GLIS2: variants seen among roughly 807,000 people sequenced by gnomAD.
GLIS2 encodes the protein GLIS family zinc finger 2.
GLIS2 carries 14 observed loss-of-function variants against 35.6 expected under a neutral mutation model. The ratio of observed to expected loss-of-function variants is 0.39; its 90% confidence interval spans 0.26 to 0.61. GLIS2 has a LOEUF of 0.61. Among genes scored for constraint, GLIS2 ranks in the 20% least tolerant of loss-of-function variants. The pLI is 0.48. For synonymous variants in GLIS2, 368 were observed against 325.1 expected, an observed-to-expected ratio of 1.13 and a Z score of -1.42; for missense variants, 675 against 713.4, an observed-to-expected ratio of 0.95 and a Z score of 0.61.
At chr16:4,331,135 C>T (rs920608982) in intron 1 of GLIS2, among the ~76,000 whole-genome samples, 4 of 151,402 alleles carry the variant, frequency 2.6e-5, no homozygotes, top group Non-Finnish European at 5.9e-5. Flanking sequence ...CGCCACCACA[C>T]CTGGCTAATT....
rs1408568603 is a variant in GLIS2, at chr16:4,335,532, C to T, written c.775+139C>T. ...AGGGTTGATGTCATCGCCCAGGGGTCCCTTTTCCAATGCAGTTTGCTAGGG... is the reference window on the plus strand; with the variant it reads ...AGGGTTGATGTCATCGCCCAGGGGTTCCTTTTCCAATGCAGTTTGCTAGGG... On this transcript the variant is annotated intron_variant, in intron 6 of 6. Transcript: ENST00000433375. The surrounding 1 kb of genome is among the most constrained non-coding windows in gnomAD (Gnocchi z 4.6). 2.6e-6 allele frequency: 2 copies of T among 769,148 alleles called. No homozygotes were observed. Among genetic ancestry groups the T allele is most frequent in the Non-Finnish European group, 4.3e-6 (2 of 468,200 alleles). 47.6% of individuals were successfully genotyped at this position (769,148 alleles called of 1,614,324 possible). A position where few individuals can be genotyped will look rare whatever the true frequency, so the allele number is the denominator to read the frequency against.
chr16:4,326,931 T>A (rs2053437312), intron 1 of GLIS2, among the ~76,000 whole-genome samples: 1 of 151,996 alleles, frequency 6.6e-6, no homozygotes, highest in South Asian at 2.1e-4. Flanking sequence ...CGGCTAATTT[T>A]CGTATTTTTA....
intron 1 of GLIS2, among the ~76,000 whole-genome samples, chr16:4,324,327 C>T (rs2053408311): frequency 6.6e-6 from 1 of 152,214 alleles, no homozygotes; most frequent in Non-Finnish European, 1.5e-5. Context: ...CCCCTCCAGT[C>T]CTGGGAGGAG....
rs2053572695 is a variant in GLIS2, at chr16:4,337,694, C to G, written c.*170C>G. On this transcript the variant is annotated 3_prime_UTR_variant, in exon 7 of 7. Coordinates refer to ENST00000433375, the MANE Select transcript of GLIS2 (RefSeq NM_032575.3). ...GTCATTCATGGCTGGCCTCCCAGCC[C>G]CCGGGTGGGGACCTGGCCTGTCATG... The G allele has an allele frequency of 3.2e-6, 3 of 950,006 alleles. No homozygotes were observed. The Admixed American group carries it at 6.2e-5, about 20-fold the overall frequency. The allele number at this position is 950,006 out of a possible 1,614,324, so 58.8% of individuals were successfully genotyped here. A position where few individuals can be genotyped will look rare whatever the true frequency, so the allele number is the denominator to read the frequency against.
intron 1 of GLIS2, chr16:4,331,448 T>C (rs1452579739): frequency 6.6e-6 from 1 of 152,288 alleles, no homozygotes; most frequent in Non-Finnish European, 1.5e-5. Context: ...TGTCAATAAA[T>C]ACGTGGGTAA....
rs148197373 is a variant in GLIS2, at chr16:4,327,006, C to T, written c.-66-5209C>T. On this transcript the variant is annotated intron_variant, in intron 1 of 6. Transcript: ENST00000433375. ...GAACTCCTGACCTCAGGTGGTCCGC[C>T]CTCGGCCTCCCAAAGTGCTGGGATT... 7.3e-3 allele frequency among the ~76,000 whole-genome samples: 1,110 copies of T among 152,260 alleles called. 21 individuals carry two copies. Among genetic ancestry groups the T allele is most frequent in the African/African-American group, 0.025 (1,049 of 41,542 alleles).
chr16:4,332,218 C>A lies in GLIS2; in HGVS notation c.-63C>A. ...CACAGCTCCTGTCCTTCCCCAGGTTCCTGCGTGAAGACCAGCTGGGAGCCC... is the reference window on the plus strand; with the variant it reads ...CACAGCTCCTGTCCTTCCCCAGGTTACTGCGTGAAGACCAGCTGGGAGCCC... On this transcript the variant is annotated 5_prime_UTR_variant, in exon 2 of 7. Coordinates refer to ENST00000433375, the MANE Select transcript of GLIS2 (RefSeq NM_032575.3). This position sits in a 1 kb window ranked among gnomAD's most constrained non-coding sequence, Gnocchi z 5.4. 1 of 1,576,112 alleles carries A rather than the reference C, an allele frequency of 6.3e-7. No individual in the cohort carries two copies.
At chr16:4,334,682 G>A (rs1210143483) in intron 3 of GLIS2, 119 bp from the exon 4 acceptor site, 4 of 1,188,222 alleles carry the variant, frequency 3.4e-6, no homozygotes, top group Middle Eastern at 2.0e-4. Context: ...TGCACAGGTA[G>A]GGGCTGGGGA....
rs866597187 is a variant in GLIS2, at chr16:4,316,316, G to C, written c.-67+62G>C. On this transcript the variant is annotated intron_variant, in intron 1 of 6. Transcript: ENST00000433375. ...GGCCGGGGCGGGGGGGGGGGGGCCC[G>C]CCTGTCGCGCCGGGGCTGCGGGGCC... 2.8e-3 allele frequency among the ~76,000 whole-genome samples: 300 copies of C among 106,130 alleles called. 6 individuals are homozygous for C. Among genetic ancestry groups the C allele is most frequent in the Middle Eastern group, 0.013 (2 of 158 alleles). The allele number at this position is 106,130 out of a possible 152,430, so 69.6% of individuals were successfully genotyped here. A position where few individuals can be genotyped will look rare whatever the true frequency, so the allele number is the denominator to read the frequency against.
chr16:4,315,993 C>T (rs1237077960), upstream of GLIS2, among the ~76,000 whole-genome samples: 1 of 146,348 alleles, frequency 6.8e-6, no homozygotes, highest in Non-Finnish European at 1.5e-5. Context: ...CTCCTCCCGC[C>T]GCCTCCCTCC....
At chr16:4,328,577 C>G (rs1404813564) in intron 1 of GLIS2, among the ~76,000 whole-genome samples, 1 of 152,156 alleles carries the variant, frequency 6.6e-6, no homozygotes, top group African/African-American at 2.4e-5. Context: ...TCCTTCCTTT[C>G]CCGGGGGCAG....
chr16:4,336,760 A>C lies in GLIS2; in HGVS notation c.811A>C (p.Asn271His), dbSNP rs763636230. 2 of 1,610,604 alleles carry C rather than the reference A, an allele frequency of 1.2e-6. No individual in the cohort carries two copies. Among genetic ancestry groups the C allele is most frequent in the Non-Finnish European group, 1.7e-6 (2 of 1,178,924 alleles). Residue 271 changes from asparagine to histidine, a missense_variant, in exon 7 of 7, where the codon AAC becomes CAC. Asn to His is a moderately conservative substitution (Grantham distance 68). Around this residue, in one of 3 missense-constraint regions of GLIS2, gnomAD observed 133 missense variants for 191.4 expected, o/e 0.69. Coordinates refer to ENST00000433375, the MANE Select transcript of GLIS2 (RefSeq NM_032575.3). ...CTACGTCTGCCCCTACGAGGGCTGC[A>C]ACAAGCGCTATTCCAACTCCAGTGA... ...KPYVCPYEGC[N>H]KRYSNSSDRF...
chr16:4,337,867 A>T lies in GLIS2; in HGVS notation c.*343A>T. The stretch of plus-strand genomic sequence containing the variant: ...CACCTCCCTCACCTAGTGACCACCC[A>T]TGGCAAGTTGCCCTCTCCCAGCAGA... On this transcript the variant is annotated 3_prime_UTR_variant, in exon 7 of 7. Coordinates refer to ENST00000433375, the MANE Select transcript of GLIS2 (RefSeq NM_032575.3). 2.2e-6 allele frequency: 1 copy of T among 446,136 alleles called. No homozygotes were observed. The highest frequency in any genetic ancestry group is 4.3e-5 in the East Asian group (1 of 23,018). The allele number at this position is 446,136 out of a possible 1,614,324, so 27.6% of individuals were successfully genotyped here.
Position 4,320,544 on chromosome 16 carries a change from G to A in GLIS2, c.-67+4290G>A, listed in dbSNP as rs1188995540. 1.3e-5 allele frequency among the ~76,000 whole-genome samples: 2 copies of A among 149,496 alleles called. No individual in the cohort carries two copies. Among genetic ancestry groups the A allele is most frequent in the African/African-American group, 5.1e-5 (2 of 39,292 alleles). The stretch of plus-strand genomic sequence containing the variant: ...GACCCCTGAAATGTCGGTTTAGCCT[G>A]GGAATCCCCCCAGCTCCACTCCTGC... On this transcript the variant is annotated intron_variant, in intron 1 of 6. Transcript: ENST00000433375. The surrounding 1 kb of genome is among the most constrained non-coding windows in gnomAD (Gnocchi z 5.6).
At chr16:4,336,668 G>A in intron 6 of GLIS2, 57 bp from the exon 7 acceptor site, 6 of 1,515,864 alleles carry the variant, frequency 4.0e-6, no homozygotes, top group Non-Finnish European at 5.4e-6. Context: ...TGCATGGGGT[G>A]AGACCCAGGA....
At chr16:4,326,526 G>T (rs939412789) in intron 1 of GLIS2, 2 of 152,208 alleles carry the variant, frequency 1.3e-5, no homozygotes, top group African/African-American at 4.8e-5. Flanking sequence ...CTCAGGGTGG[G>T]TGCACACAGC....
At position 4,332,179 on chromosome 16, in the gene GLIS2, T is replaced by A. The variant is rs1471717198; in HGVS notation, c.-66-36T>A. ...GTACAGCCCGAGGAGAAGCCTGGGG[T>A]CTCAGTGCCACAGCACAGCTCCTGT... is the stretch of plus-strand genomic sequence containing the variant. On this transcript the variant is annotated intron_variant, in intron 1 of 6. Transcript: ENST00000433375. The surrounding 1 kb of genome is among the most constrained non-coding windows in gnomAD (Gnocchi z 5.4). 2.2e-6 allele frequency: 3 copies of A among 1,391,004 alleles called. No homozygotes were observed. Among genetic ancestry groups the A allele is most frequent in the African/African-American group, 1.4e-5 (1 of 69,568 alleles). The allele number at this position is 1,391,004 out of a possible 1,614,324, so 86.2% of individuals were successfully genotyped here. A position where few individuals can be genotyped will look rare whatever the true frequency, so the allele number is the denominator to read the frequency against.
intron 1 of GLIS2, among the ~76,000 whole-genome samples, chr16:4,321,526 T>TG (rs1167888782): frequency 2.0e-5 from 3 of 152,030 alleles, no homozygotes; most frequent in Non-Finnish European, 4.4e-5. Flanking sequence ...CCACCTAAGA[T>TG]GAGTGGTTGG....
intron 1 of GLIS2, among the ~76,000 whole-genome samples, chr16:4,329,779 A>G (rs2053477971): frequency 6.6e-6 from 1 of 152,188 alleles, no homozygotes; most frequent in Non-Finnish European, 1.5e-5. Flanking sequence ...AGACCCCAAT[A>G]CCGCGAAAGA....
Sources: gnomAD v4.1 joint callset for allele counts (sites outside exome capture counted in the v4.1 genomes callset) on GRCh38, gnomAD v4.1.1 for gene constraint, gnomAD v4.1.1 regional missense constraint, Gnocchi (gnomAD v3.1) non-coding constraint, MANE v1.5 for transcripts, NCBI Gene and HGNC (gene_info 2026-07-23, HGNC 2026-07-21) for gene names.